CASK: variants seen among roughly 807,000 people sequenced by gnomAD.
CASK encodes the protein peripheral plasma membrane protein CASK.
Under a neutral mutation model 82.9 loss-of-function variants are expected in CASK, and 4 were observed. That is an observed-to-expected ratio of 0.05 (90% CI 0.02 to 0.11). The LOEUF (loss-of-function observed/expected upper bound fraction) is 0.11, where lower values mean the gene tolerates loss of function less well. Among genes scored for constraint, CASK ranks in the 10% least tolerant of loss-of-function variants. CASK has a pLI of 1.00. For synonymous variants in CASK, 259 were observed against 253.5 expected (o/e 1.02, Z -0.20); for missense variants, 358 against 720.9 (o/e 0.50, Z 5.76).
At chrX:41,829,249 G>A (rs1286937989) in intron 2 of CASK, among the ~76,000 whole-genome samples, 1 of 110,820 alleles carries the variant, frequency 9.0e-6, no homozygotes, top group Admixed American at 9.6e-5. Flanking sequence ...AACATGACCA[G>A]CACCTCCGTA....
intron 25 of CASK, 94 bp downstream of exon 25, chrX:41,530,913 G>T: frequency 1.3e-6 from 1 of 782,929 alleles, no homozygotes; most frequent in Non-Finnish European, 1.9e-6. Context: ...ATTATTATGT[G>T]ACCTGTGACT....
chrX:41,530,444 G>A (rs1438663741), intron 25 of CASK, among the ~76,000 whole-genome samples: 1 of 111,980 alleles, frequency 8.9e-6, no homozygotes, highest in Non-Finnish European at 1.9e-5. Context: ...TCAGGGTCAG[G>A]CATTGTGCTC....
rs2064965930 is a variant in CASK at position 41,542,804 on chromosome X, C to T, written c.2042G>A (p.Arg681Gln). 9.0e-7 allele frequency: 1 copy of T among 1,108,919 alleles called. No homozygotes were observed. The highest frequency in any genetic ancestry group is 3.0e-5 in the East Asian group (1 of 33,432). 91.4% of individuals were successfully genotyped at this position (1,108,919 alleles called of 1,213,427 possible). Reference protein sequence around the residue: ...LIPSPELQEWRVACIAMEKTK... With the variant: ...LIPSPELQEWQVACIAMEKTK... ...CTTCTCCATGGCAATGCAAGCTACT[C>T]GCCTAGCACATACAAAAAGAAAAAT... The change falls in exon 22 of 27, where the codon CGA becomes CAA. Residue 681 changes from arginine (R) to glutamine (Q), a missense_variant and splice_region_variant. Physicochemically the swap from Arg to Gln is conservative, Grantham distance 43 (BLOSUM62 1). Coordinates refer to ENST00000378163, the MANE Select transcript of CASK (RefSeq NM_001367721.1).
intron 5 of CASK, among the ~76,000 whole-genome samples, chrX:41,673,945 A>G (rs1401497265): frequency 1.9e-5 from 2 of 107,683 alleles, no homozygotes; most frequent in South Asian, 8.4e-4. Flanking sequence ...AGGAGCTTAC[A>G]TTCTAAAAGA....
In CASK at chrX:41,922,259, G is replaced by A. The variant is rs1017466658; in HGVS notation, c.59+671C>T. Among the ~76,000 whole-genome samples the A allele has an allele frequency of 5.4e-5, 6 of 111,624 alleles. No individual in the cohort carries two copies. In the Admixed American group the frequency reaches 5.7e-4, roughly 11 times the overall value. ...CAGTTCTATATTCTAGACCAGCCCG[G>A]TGACTCAAAGCAGACGGCTCTACCA... On this transcript the variant is annotated intron_variant, in intron 1 of 26. Coordinates refer to ENST00000378163, the MANE Select transcript of CASK (RefSeq NM_001367721.1).
At chrX:41,627,496 G>GA (rs1192536612) in intron 9 of CASK, among the ~76,000 whole-genome samples, 1 of 111,606 alleles carries the variant, frequency 9.0e-6, no homozygotes, top group African/African-American at 3.3e-5. Flanking sequence ...GGCTTTTAGT[G>GA]AATCTGTCTT....
At chrX:41,698,150 C>T (rs2067726649) in intron 5 of CASK, 1 of 111,472 alleles carries the variant, frequency 9.0e-6, no homozygotes, top group South Asian at 3.7e-4. Context: ...AATAAAGATA[C>T]AAAACATGTA....
chrX:41,569,749 G>T lies in CASK; in HGVS notation c.1504-3C>A. On this transcript the variant is annotated splice_polypyrimidine_tract_variant and splice_region_variant and intron_variant, in intron 15 of 26. Transcript: ENST00000378163. Reference sequence around the variant, plus strand: ...TCATTCATTTTTAAAGTGATTCCCTGTTAAAAAAAAAATAAAAAGTTCAGC... The same window carrying T: ...TCATTCATTTTTAAAGTGATTCCCTTTTAAAAAAAAAATAAAAAGTTCAGC... 1 of 1,050,245 alleles carries T rather than the reference G, an allele frequency of 9.5e-7. No individual in the cohort carries two copies. Among genetic ancestry groups the T allele is most frequent in the Non-Finnish European group, 1.3e-6 (1 of 758,839 alleles). The allele number at this position is 1,050,245 out of a possible 1,213,427, so 86.6% of individuals were successfully genotyped here. A position where few individuals can be genotyped will look rare whatever the true frequency, so the allele number is the denominator to read the frequency against.
intron 16 of CASK, among the ~76,000 whole-genome samples, chrX:41,567,708 T>A (rs1319102712): frequency 4.5e-5 from 5 of 111,698 alleles, no homozygotes; most frequent in Non-Finnish European, 9.4e-5. Context: ...AGAACTAGAA[T>A]TACCATTTGA....
intron 2 of CASK, among the ~76,000 whole-genome samples, chrX:41,818,899 C>G (rs1266273463): frequency 3.6e-5 from 4 of 109,734 alleles, no homozygotes; most frequent in Non-Finnish European, 7.6e-5. Flanking sequence ...CAAAATGGAC[C>G]AAAGACCTAA....
chrX:41,774,165 A>C (rs958303950), intron 3 of CASK, among the ~76,000 whole-genome samples: 1 of 111,205 alleles, frequency 9.0e-6, no homozygotes, highest in Non-Finnish European at 1.9e-5. Flanking sequence ...CTGTTTGCAG[A>C]TGACATGATT....
At chrX:41,621,714 T>C (rs1272206406) in intron 11 of CASK, among the ~76,000 whole-genome samples, 1 of 112,174 alleles carries the variant, frequency 8.9e-6, no homozygotes, top group Non-Finnish European at 1.9e-5. Context: ...TACTATAAGA[T>C]TTATATTAAA....
At chrX:41,723,828 T>C (rs1487546754) in intron 5 of CASK, among the ~76,000 whole-genome samples, 1 of 112,240 alleles carries the variant, frequency 8.9e-6, no homozygotes, top group Admixed American at 9.4e-5. Flanking sequence ...AAATAAGCCA[T>C]CCACAAACAA....
At chrX:41,544,564 T>TAAAAAAA (rs752196101) in intron 21 of CASK, among the ~76,000 whole-genome samples, 5 of 48,390 alleles carry the variant, frequency 1.0e-4, no homozygotes, top group Non-Finnish European at 1.9e-4. Flanking sequence ...AGACCTTGTC[T>TAAAAAAA]AAAAAAAAAA....
intron 25 of CASK, among the ~76,000 whole-genome samples, chrX:41,526,890 A>G (rs917291299): frequency 9.0e-6 from 1 of 110,753 alleles, no homozygotes; most frequent in African/African-American, 3.3e-5. Context: ...TTTTCAGCAG[A>G]CTCACCACAC....
intron 10 of CASK, among the ~76,000 whole-genome samples, chrX:41,622,873 A>G (rs1010213755): frequency 9.1e-6 from 1 of 109,732 alleles, no homozygotes; most frequent in African/African-American, 3.3e-5. Context: ...AGAATATTTC[A>G]ACATTGATTT....
At chrX:41,899,805 A>G (rs773967619) in intron 1 of CASK, among the ~76,000 whole-genome samples, 10 of 111,746 alleles carry the variant, frequency 8.9e-5, no homozygotes, top group Non-Finnish European at 1.7e-4. Context: ...ATGCACCATC[A>G]TTACAGCATT....
intron 3 of CASK, among the ~76,000 whole-genome samples, chrX:41,769,212 T>A (rs980385794): frequency 3.8e-5 from 4 of 105,191 alleles, no homozygotes; most frequent in Non-Finnish European, 7.8e-5. Flanking sequence ...TTTTTTTTTT[T>A]TGAGACAGAG....
At chrX:41,535,643 G>T (rs1413077824) in intron 22 of CASK, among the ~76,000 whole-genome samples, 2 of 111,587 alleles carry the variant, frequency 1.8e-5, no homozygotes, top group African/African-American at 3.3e-5. Flanking sequence ...GCTTTCCTGG[G>T]CCTGAAAACT....
Sources: allele counts gnomAD v4.1 joint callset (sites outside exome capture counted in the v4.1 genomes callset), GRCh38; gene constraint gnomAD v4.1.1; transcripts MANE v1.5; gene names NCBI Gene and HGNC (gene_info 2026-07-23, HGNC 2026-07-21).